Variants in CSDE1 observed in about 807,000 individuals in gnomAD.
CSDE1 encodes cold shock domain-containing protein E1.
CSDE1 carries 17 observed loss-of-function variants against 89.3 expected under a neutral mutation model. The observed-to-expected ratio is 0.19, with a 90% CI of 0.13 to 0.29. The LOEUF (loss-of-function observed/expected upper bound fraction) is 0.29. CSDE1 is among the 10% of genes least tolerant of loss of function. CSDE1 has a pLI of 1.00. For synonymous variants in CSDE1, 322 were observed against 332.8 expected, an observed-to-expected ratio of 0.97 and a Z score of 0.35; for missense variants, 672 against 984.2, an observed-to-expected ratio of 0.68 and a Z score of 4.24.
chr1:114,726,095 C>A, intron 14 of CSDE1, 116 bp downstream of exon 14: 1 of 1,043,006 alleles, frequency 9.6e-7, no homozygotes, highest in East Asian at 2.6e-5. Context: ...CATAATTCTA[C>A]CAATATGAAA....
chr1:114,746,511 GTAGTT>G (rs1368402092), intron 2 of CSDE1: 1 of 151,974 alleles, frequency 6.6e-6, no homozygotes, highest in Non-Finnish European at 1.5e-5. Flanking sequence ...CAGACTCTTT[GTAGTT>G]TATCTTTTAA....
chr1:114,750,848 A>G (rs1477373149), intron 1 of CSDE1, among the ~76,000 whole-genome samples: 4 of 152,226 alleles, frequency 2.6e-5, no homozygotes, highest in African/African-American at 9.6e-5. Context: ...AGAATATGCC[A>G]CTAAATTCTT....
chr1:114,744,214 A>G (rs888578598), intron 2 of CSDE1, among the ~76,000 whole-genome samples: 2 of 152,214 alleles, frequency 1.3e-5, no homozygotes, highest in Admixed American at 1.3e-4. Flanking sequence ...GGGGAAAAAA[A>G]TCCACAATTT....
At chr1:114,722,643 A>G (rs571867410) in intron 16 of CSDE1, among the ~76,000 whole-genome samples, 1 of 152,210 alleles carries the variant, frequency 6.6e-6, no homozygotes, top group African/African-American at 2.4e-5. Context: ...ACTATATCCC[A>G]CAGCCAGTGC....
intron 1 of CSDE1, among the ~76,000 whole-genome samples, chr1:114,752,747 T>C (rs1007641691): frequency 1.3e-5 from 2 of 152,222 alleles, no homozygotes; most frequent in Non-Finnish European, 2.9e-5. Context: ...CATTCATTAA[T>C]TCCTACTAAT....
intron 2 of CSDE1, among the ~76,000 whole-genome samples, chr1:114,747,944 C>T (rs754903374): frequency 1.1e-4 from 17 of 151,998 alleles, no homozygotes; most frequent in Non-Finnish European, 1.9e-4. Context: ...CCTATCTAAT[C>T]CAACAGAATC....
Position 114,749,922 on chromosome 1 carries a change from A to G in CSDE1, c.-102T>C, listed in dbSNP as rs780440088. 2 of 152,610 alleles carry G rather than the reference A, an allele frequency of 1.3e-5. No homozygotes were observed. The highest frequency in any genetic ancestry group is 2.9e-5 in the Non-Finnish European group (2 of 68,032). 9.5% of individuals were successfully genotyped at this position (152,610 alleles called of 1,614,324 possible). ...GAAAGTTGCTAGTATTAAAAAAAAG[A>G]GCGAGAGAAAATGATCTACCAAGCT... On this transcript the variant is annotated 5_prime_UTR_variant, in exon 2 of 20. Transcript: ENST00000358528.
In CSDE1 at chr1:114,727,097, A is replaced by G; in HGVS notation, c.1357-7T>C. 8 of 1,582,100 alleles carry G rather than the reference A, an allele frequency of 5.1e-6. No individual in the cohort carries two copies. The highest frequency in any genetic ancestry group is 6.9e-6 in the Non-Finnish European group (8 of 1,151,688). ...TAATGCCATCCTCAGCCTCCTAAAG[A>G]GATACAGTCAAAAACAGAATGAAAA... is the stretch of plus-strand genomic sequence containing the variant. On this transcript the variant is annotated splice_region_variant and splice_polypyrimidine_tract_variant and intron_variant, in intron 12 of 19. Transcript: ENST00000358528.
In CSDE1 at chr1:114,717,511, C is replaced by G. The variant is rs1172972107; in HGVS notation, c.*658G>C. ...TGTAGTAAAGTTACCCCCCAACCCACGAAAAAAAACCTACTCTGGAAGAAA... is the reference window on the plus strand; with the variant it reads ...TGTAGTAAAGTTACCCCCCAACCCAGGAAAAAAAACCTACTCTGGAAGAAA... On this transcript the variant is annotated 3_prime_UTR_variant, in exon 20 of 20. Coordinates refer to ENST00000358528, the MANE Select transcript of CSDE1 (RefSeq NM_001007553.3). 1.3e-5 allele frequency: 2 copies of G among 151,618 alleles called. No individual in the cohort carries two copies. The highest frequency in any genetic ancestry group is 4.9e-5 in the African/African-American group (2 of 41,154). The allele number at this position is 151,618 out of a possible 1,614,324, so 9.4% of individuals were successfully genotyped here.
intron 4 of CSDE1, 34 bp from the exon 5 acceptor site, chr1:114,737,597 A>C (rs775727743): frequency 2.2e-5 from 33 of 1,516,436 alleles, no homozygotes; most frequent in Non-Finnish European, 2.8e-5. Context: ...TTCCATTGCT[A>C]ATCATTTCAG....
At chr1:114,751,038 T>C (rs1661279137) in intron 1 of CSDE1, among the ~76,000 whole-genome samples, 1 of 152,170 alleles carries the variant, frequency 6.6e-6, no homozygotes, top group African/African-American at 2.4e-5. Context: ...GTGACAGGTG[T>C]AGCGGAGCCC....
Position 114,730,574 on chromosome 1 carries a change from G to C in CSDE1, c.1125C>G (p.His375Gln). ...CVDRDVRMFFHFSEILDGNQL... is the reference protein window; with the variant it reads ...CVDRDVRMFFQFSEILDGNQL... ...GGTTCCCATCCAGAATTTCACTGAA[G>C]TGGAAGAACATACGAACATCACGAT... Residue 375 changes from histidine to glutamine, a missense_variant, in exon 11 of 20, where the codon CAC becomes CAG. His to Gln is a conservative substitution (Grantham distance 24). Coordinates refer to ENST00000358528, the MANE Select transcript of CSDE1 (RefSeq NM_001007553.3). The C allele has an allele frequency of 6.2e-7, 1 of 1,613,804 alleles. No homozygotes were observed.
In CSDE1 at chr1:114,756,466, T is replaced by C. The variant is rs111559914; in HGVS notation, c.-388+1459A>G. Among the ~76,000 whole-genome samples, 440 of 152,324 alleles carry C rather than the reference T, an allele frequency of 2.9e-3. 2 individuals carry two copies. Among genetic ancestry groups the C allele is most frequent in the Middle Eastern group, 6.8e-3 (2 of 294 alleles). ...CAAAAGAAAACCAAGGTATGTATTA[T>C]AGTGCTCCTCAATGCAATATCAAGA... On this transcript the variant is annotated intron_variant, in intron 1 of 19. Coordinates refer to ENST00000358528, the MANE Select transcript of CSDE1 (RefSeq NM_001007553.3).
chr1:114,753,655 G>A (rs936360746), intron 1 of CSDE1, among the ~76,000 whole-genome samples: 1 of 152,162 alleles, frequency 6.6e-6, no homozygotes, highest in African/African-American at 2.4e-5. Flanking sequence ...GGTGGCTCTC[G>A]CTTGTAATCC....
At chr1:114,740,973 T>C (rs1570937009) in intron 2 of CSDE1, among the ~76,000 whole-genome samples, 1 of 152,182 alleles carries the variant, frequency 6.6e-6, no homozygotes, top group Non-Finnish European at 1.5e-5. Flanking sequence ...AAACCAAAGT[T>C]TGAGTCAACG....
At chr1:114,727,157 T>C (rs1050288672) in intron 12 of CSDE1, 67 bp from the exon 13 acceptor site, 19 of 1,090,038 alleles carry the variant, frequency 1.7e-5, no homozygotes, top group Non-Finnish European at 2.5e-5. Context: ...AAAACAACTA[T>C]AGTTCTTACA....
intron 1 of CSDE1, among the ~76,000 whole-genome samples, chr1:114,754,002 G>C (rs182048042): frequency 6.6e-6 from 1 of 152,334 alleles, no homozygotes; most frequent in East Asian, 1.9e-4. Context: ...ATCATACTGT[G>C]TGCTAAGTAA....
Position 114,725,222 on chromosome 1 carries a change from T to C in CSDE1, c.1752A>G (p.Ser584=). The C allele has an allele frequency of 6.2e-7, 1 of 1,612,818 alleles. No individual in the cohort carries two copies. Among genetic ancestry groups the C allele is most frequent in the East Asian group, 2.2e-5 (1 of 44,864 alleles). Residue 584 remains serine, a splice_region_variant and synonymous_variant, in exon 15 of 20, where the codon TCA becomes TCG. Transcript: ENST00000358528. ...GAATAAGAAGTCACAATTTATTACC[T>C]GAGTGTGTTTTGTTCACTTTTTCTG... ...VSAEKVNKTH[S]VNGITEEADP... is the part of the protein sequence containing the mutation.
At chr1:114,745,012 C>T (rs888051643) in intron 2 of CSDE1, among the ~76,000 whole-genome samples, 2 of 151,586 alleles carry the variant, frequency 1.3e-5, no homozygotes, top group East Asian at 3.9e-4. Flanking sequence ...TAAAAAAAAA[C>T]TTGAATTTTT....
Sources: allele counts gnomAD v4.1 joint callset (sites outside exome capture counted in the v4.1 genomes callset), GRCh38; gene constraint gnomAD v4.1.1; transcripts MANE v1.5; gene names NCBI Gene and HGNC (gene_info 2026-07-23, HGNC 2026-07-21).